Variants in TMEM200A observed in about 807,000 individuals in gnomAD.
The protein encoded by TMEM200A is two transmembrane C.
A neutral mutation model predicts 24.3 loss-of-function variants in TMEM200A; 12 were observed. The observed-to-expected ratio is 0.49, with a 90% confidence interval of 0.32 to 0.80. TMEM200A has a LOEUF of 0.80. TMEM200A is among the 30% of genes least tolerant of loss of function. TMEM200A has a pLI of 0.04. For missense variants in TMEM200A, 545 were observed against 614.4 expected (o/e 0.89, Z 1.19); for synonymous variants, 224 against 224.4 (o/e 1.00, Z 0.02).
chr6:130,427,091 C>T (rs760867562), intron 2 of TMEM200A, among the ~76,000 whole-genome samples: 11 of 152,158 alleles, frequency 7.2e-5, no homozygotes, highest in East Asian at 1.9e-4. Context: ...AATTAGCAAG[C>T]GCACCTAATT....
chr6:130,380,292 C>T (rs1778564117), intron 1 of TMEM200A, among the ~76,000 whole-genome samples: 1 of 152,166 alleles, frequency 6.6e-6, no homozygotes, highest in East Asian at 1.9e-4. Flanking sequence ...ATCTTACTGT[C>T]AACTCCATTG....
intron 2 of TMEM200A, among the ~76,000 whole-genome samples, chr6:130,410,572 C>A (rs1779307786): frequency 6.6e-6 from 1 of 152,142 alleles, no homozygotes; most frequent in East Asian, 1.9e-4. Flanking sequence ...CATATGGTAT[C>A]ATAATTTTGT....
chr6:130,442,173 G>C lies in TMEM200A; in HGVS notation c.*275G>C. The C allele has an allele frequency of 3.3e-6, 1 of 300,622 alleles. No homozygotes were observed. The highest frequency in any genetic ancestry group is 6.5e-6 in the Non-Finnish European group (1 of 154,000). The allele number at this position is 300,622 out of a possible 1,614,324, so 18.6% of individuals were successfully genotyped here. ...GCAAAATGCTTGCATCCAAATTAAAGCTTATTTTCTTTACTTTTAAGTTCT... is the reference window on the plus strand; with the variant it reads ...GCAAAATGCTTGCATCCAAATTAAACCTTATTTTCTTTACTTTTAAGTTCT... On this transcript the variant is annotated 3_prime_UTR_variant, in exon 3 of 3. Transcript: ENST00000296978.
intron 2 of TMEM200A, among the ~76,000 whole-genome samples, chr6:130,432,559 C>G (rs1188285002): frequency 6.6e-6 from 1 of 152,164 alleles, no homozygotes; most frequent in Admixed American, 6.5e-5. Context: ...AACTACCTCT[C>G]CATGGACAGA....
intron 2 of TMEM200A, among the ~76,000 whole-genome samples, chr6:130,425,217 A>G (rs891755595): frequency 2.0e-5 from 3 of 152,170 alleles, no homozygotes; most frequent in African/African-American, 7.2e-5. Flanking sequence ...GCAGAAATCA[A>G]TGTTAAACAT....
chr6:130,400,878 T>C (rs1779068435), intron 2 of TMEM200A, among the ~76,000 whole-genome samples: 1 of 152,028 alleles, frequency 6.6e-6, no homozygotes, highest in Admixed American at 6.6e-5. Context: ...TTCCTTTTCA[T>C]CACACCACCT....
chr6:130,421,661 G>A (rs904066808), intron 2 of TMEM200A, among the ~76,000 whole-genome samples: 2 of 151,942 alleles, frequency 1.3e-5, no homozygotes, highest in African/African-American at 2.4e-5. Context: ...TCATCTTAAC[G>A]TAACTAAGAC....
intron 2 of TMEM200A, among the ~76,000 whole-genome samples, chr6:130,386,915 G>A (rs2115100621): frequency 6.6e-6 from 1 of 152,262 alleles, no homozygotes; most frequent in African/African-American, 2.4e-5. Flanking sequence ...TTACTCCCAG[G>A]CACTCTTTCA....
chr6:130,383,104 A>C, intron 1 of TMEM200A: 1 of 977,988 alleles, frequency 1.0e-6, no homozygotes, highest in South Asian at 4.7e-5. Flanking sequence ...TAAATTTGTC[A>C]CATTCAATTG....
At chr6:130,421,507 C>A (rs933592875) in intron 2 of TMEM200A, 20 of 102,262 alleles carry the variant, frequency 2.0e-4, no homozygotes, top group African/African-American at 1.1e-3. Context: ...TTCACAGTTA[C>A]CTTTGTGTGT....
chr6:130,427,968 A>T (rs12526074), intron 2 of TMEM200A, among the ~76,000 whole-genome samples: 23,168 of 152,100 alleles, frequency 0.15, 1,967 homozygotes, highest in East Asian at 0.35. Flanking sequence ...AGCTAAAAAT[A>T]TCTGAGGCAT....
At chr6:130,432,152 C>T (rs893527953) in intron 2 of TMEM200A, among the ~76,000 whole-genome samples, 2 of 152,116 alleles carry the variant, frequency 1.3e-5, no homozygotes, top group Non-Finnish European at 2.9e-5. Context: ...CCCCATATGC[C>T]CAGGCACCAT....
At chr6:130,378,957 G>A (rs539100433) in intron 1 of TMEM200A, among the ~76,000 whole-genome samples, 1 of 152,272 alleles carries the variant, frequency 6.6e-6, no homozygotes, top group East Asian at 1.9e-4. Context: ...CCTTATTGCT[G>A]CATTATCTCA....
At chr6:130,384,365 G>A (rs919632636) in intron 1 of TMEM200A, among the ~76,000 whole-genome samples, 8 of 152,124 alleles carry the variant, frequency 5.3e-5, no homozygotes. Context: ...AGGCCAGAAA[G>A]CGGTAGCATG....
At chr6:130,433,010 A>T (rs1457281874) in intron 2 of TMEM200A, among the ~76,000 whole-genome samples, 2 of 152,154 alleles carry the variant, frequency 1.3e-5, no homozygotes, top group Non-Finnish European at 2.9e-5. Context: ...CATTTTATAG[A>T]TGGAGGAACT....
Position 130,380,942 on chromosome 6 carries a change from G to A in TMEM200A, c.-80-4231G>A, listed in dbSNP as rs570426993. ...TTCAAGGCTGCAGAAAGCTGTGATC[G>A]TGCCACTGCACTCCAGCCTGGGAAA... On this transcript the variant is annotated intron_variant, in intron 1 of 2. Transcript: ENST00000296978. 2.2e-3 allele frequency among the ~76,000 whole-genome samples: 335 copies of A among 152,252 alleles called. 1 individual carries two copies. The highest frequency in any genetic ancestry group is 7.6e-3 in the African/African-American group (314 of 41,550).
intron 2 of TMEM200A, among the ~76,000 whole-genome samples, chr6:130,422,495 T>A (rs1779620488): frequency 6.6e-6 from 1 of 151,958 alleles, no homozygotes; most frequent in South Asian, 2.1e-4. Flanking sequence ...TTGAACTCCC[T>A]ACCTCAAGTG....
intron 2 of TMEM200A, among the ~76,000 whole-genome samples, chr6:130,422,113 A>G (rs963628061): frequency 6.6e-6 from 1 of 151,972 alleles, no homozygotes; most frequent in African/African-American, 2.4e-5. Context: ...CCTGTTTTTG[A>G]TTGTTTGAGG....
chr6:130,399,829 C>T (rs1000051908), intron 2 of TMEM200A, among the ~76,000 whole-genome samples: 7 of 151,808 alleles, frequency 4.6e-5, no homozygotes, highest in East Asian at 1.9e-4. Context: ...TTTTGTCCCT[C>T]GCCCCCCTCC....
Sources: allele counts gnomAD v4.1 joint callset (sites outside exome capture counted in the v4.1 genomes callset), GRCh38; gene constraint gnomAD v4.1.1; transcripts MANE v1.5; gene names NCBI Gene and HGNC (gene_info 2026-07-23, HGNC 2026-07-21).